The following GALNT14 variants were observed in gnomAD, a reference collection of about 807,000 sequenced individuals.
GALNT14 encodes the protein polypeptide N-acetylgalactosaminyltransferase 14, also known as UDP-GalNAc:polypeptide N-acetylgalactosaminyltransferase 14.
In GALNT14, 60 loss-of-function variants were observed where a neutral mutation model predicts 77.5. That is an observed-to-expected ratio of 0.77 (90% CI 0.63 to 0.96). The LOEUF (loss-of-function observed/expected upper bound fraction) is 0.96, where lower values mean the gene tolerates loss of function less well. Ranked by LOEUF, GALNT14 falls within the 40% of genes least tolerant of loss-of-function variation. GALNT14 has a pLI of 0.00. For missense variants in GALNT14, 710 were observed against 731.0 expected (o/e 0.97, Z 0.33); for synonymous variants, 280 against 281.7 (o/e 0.99, Z 0.06).
intron 1 of GALNT14, among the ~76,000 whole-genome samples, chr2:31,030,109 A>G (rs888724425): frequency 6.6e-6 from 1 of 152,200 alleles, no homozygotes. Flanking sequence ...TGCCTTCTTC[A>G]TTTGGATAAA....
intron 1 of GALNT14, among the ~76,000 whole-genome samples, chr2:30,993,401 A>C (rs947412020): frequency 6.6e-6 from 1 of 152,198 alleles, no homozygotes; most frequent in African/African-American, 2.4e-5. Context: ...CAATTCTAGT[A>C]TCCCAACCCC....
chr2:30,979,358 G>A (rs1475665461), intron 2 of GALNT14, among the ~76,000 whole-genome samples: 2 of 152,166 alleles, frequency 1.3e-5, no homozygotes, highest in African/African-American at 4.8e-5. Context: ...GTGGCACCCG[G>A]CCTGAGATGA....
At chr2:31,038,862 C>T (rs761417538) in intron 1 of GALNT14, among the ~76,000 whole-genome samples, 20 of 151,866 alleles carry the variant, frequency 1.3e-4, no homozygotes, top group Non-Finnish European at 2.6e-4. Flanking sequence ...TCTCATGCCT[C>T]GGCCTCCCAA....
chr2:31,038,393 A>T (rs1051142196), intron 1 of GALNT14, among the ~76,000 whole-genome samples: 1 of 151,856 alleles, frequency 6.6e-6, no homozygotes, highest in Non-Finnish European at 1.5e-5. Context: ...CGCACCCAGC[A>T]TTACCATTGA....
intron 1 of GALNT14, chr2:31,129,768 G>C: frequency 5.6e-6 from 3 of 537,718 alleles, no homozygotes; most frequent in Non-Finnish European, 7.1e-6. Context: ...TGAGGAATAA[G>C]AGAAGCTACA....
At chr2:30,943,370 G>T (rs1355540203) in intron 8 of GALNT14, among the ~76,000 whole-genome samples, 1 of 152,158 alleles carries the variant, frequency 6.6e-6, no homozygotes, top group Non-Finnish European at 1.5e-5. Context: ...CCTGGCCCCC[G>T]TTCAGTGGAT....
rs1276966920 is a variant in GALNT14 at position 31,116,523 on chromosome 2, A to T, written c.129+21435T>A. On this transcript the variant is annotated intron_variant, in intron 1 of 14. Transcript: ENST00000349752. ...TAAGGTGAATGTTAAGGCACAATTT[A>T]TTAAAATATAAATCACTAAGAACAA... is the stretch of plus-strand genomic sequence containing the variant. 2.0e-5 allele frequency among the ~76,000 whole-genome samples: 3 copies of T among 152,186 alleles called. No individual in the cohort carries two copies. In the East Asian group the frequency reaches 5.8e-4, roughly 29 times the overall value.
intron 1 of GALNT14, among the ~76,000 whole-genome samples, chr2:31,107,779 C>T (rs929849219): frequency 6.6e-6 from 1 of 152,132 alleles, no homozygotes; most frequent in Non-Finnish European, 1.5e-5. Context: ...GTCTGTTTGC[C>T]ATTATGAAGG....
intron 2 of GALNT14, among the ~76,000 whole-genome samples, chr2:30,969,621 C>T (rs1668221163): frequency 1.3e-5 from 2 of 152,110 alleles, no homozygotes; most frequent in African/African-American, 4.8e-5. Context: ...TGCTGGATCT[C>T]ATGGGGGTAA....
chr2:31,085,336 G>A (rs914121821), intron 1 of GALNT14, among the ~76,000 whole-genome samples: 1 of 152,238 alleles, frequency 6.6e-6, no homozygotes, highest in Non-Finnish European at 1.5e-5. Flanking sequence ...ACAATGAGAA[G>A]GGCCTCCAGA....
intron 10 of GALNT14, 149 bp downstream of exon 10, chr2:30,931,919 T>A (rs1665752622): frequency 1.5e-6 from 1 of 681,700 alleles, no homozygotes; most frequent in Non-Finnish European, 2.1e-6. Flanking sequence ...CCAAGCAGAG[T>A]CTGGGTAGTA....
chr2:31,092,546 A>T lies in GALNT14; in HGVS notation c.129+45412T>A, dbSNP rs538273223. On this transcript the variant is annotated intron_variant, in intron 1 of 14. Transcript: ENST00000349752. ...ACATGCTGAGACTCAGACATGTGTCACGGGAAGAATGGTCAATAATTTCAG... is the reference window on the plus strand; with the variant it reads ...ACATGCTGAGACTCAGACATGTGTCTCGGGAAGAATGGTCAATAATTTCAG... Among the ~76,000 whole-genome samples the T allele has an allele frequency of 3.9e-5, 6 of 152,304 alleles. No homozygotes were observed. The South Asian group carries it at 1.2e-3, about 32-fold the overall frequency.
Position 31,008,592 on chromosome 2 carries a change from C to T in GALNT14, c.130-15585G>A, listed in dbSNP as rs559516643. On this transcript the variant is annotated intron_variant, in intron 1 of 14. Transcript: ENST00000349752. ...TCAGCACATTAAGCATTAAGGCTTT[C>T]CAGGCAGAAAAGATGACTGTACCTT... is the stretch of plus-strand genomic sequence containing the variant. 1.1e-4 allele frequency among the ~76,000 whole-genome samples: 16 copies of T among 150,332 alleles called. No individual in the cohort carries two copies. In the South Asian group the frequency reaches 3.4e-3, roughly 32 times the overall value.
intron 1 of GALNT14, among the ~76,000 whole-genome samples, chr2:31,094,736 G>T (rs1414964605): frequency 6.6e-6 from 1 of 152,186 alleles, no homozygotes; most frequent in African/African-American, 2.4e-5. Context: ...AGATTGGAAG[G>T]CATAGGCTGT....
chr2:31,093,014 C>A (rs1043094570), intron 1 of GALNT14, among the ~76,000 whole-genome samples: 2 of 152,210 alleles, frequency 1.3e-5, no homozygotes, highest in African/African-American at 4.8e-5. Flanking sequence ...ACACAGTTTA[C>A]TGAACCAGAA....
chr2:30,963,646 T>C (rs1193641550), intron 3 of GALNT14, among the ~76,000 whole-genome samples: 1 of 152,156 alleles, frequency 6.6e-6, no homozygotes, highest in Non-Finnish European at 1.5e-5. Flanking sequence ...TGTAGAAATG[T>C]GATAGAATTA....
chr2:30,950,375 C>A (rs953947626), intron 6 of GALNT14, among the ~76,000 whole-genome samples: 14 of 152,044 alleles, frequency 9.2e-5, no homozygotes, highest in Admixed American at 5.2e-4. Flanking sequence ...GTGGAAAACA[C>A]CAGCTGAGGA....
chr2:31,078,810 G>T (rs1010532267), intron 1 of GALNT14: 34 of 753,998 alleles, frequency 4.5e-5, no homozygotes, highest in Non-Finnish European at 3.6e-5. Context: ...AGGCACACAA[G>T]ATGAAGGCAA....
At chr2:31,106,025 A>G (rs929078958) in intron 1 of GALNT14, among the ~76,000 whole-genome samples, 2 of 152,002 alleles carry the variant, frequency 1.3e-5, no homozygotes, top group Non-Finnish European at 2.9e-5. Flanking sequence ...CATTCTAGCC[A>G]TGTCCCCTGC....
Sources: allele counts gnomAD v4.1 joint callset (sites outside exome capture counted in the v4.1 genomes callset), GRCh38; gene constraint gnomAD v4.1.1; transcripts MANE v1.5; gene names NCBI Gene and HGNC (gene_info 2026-07-23, HGNC 2026-07-21).